Variants in IL22RA2 observed in about 807,000 individuals in gnomAD.
IL22RA2 encodes interleukin-22 receptor subunit alpha-2.
Under a neutral mutation model 30.7 loss-of-function variants are expected in IL22RA2, and 39 were observed. The observed-to-expected ratio is 1.27, with a 90% CI of 0.98 to 1.66. The LOEUF (loss-of-function observed/expected upper bound fraction) is 1.66, where lower values mean the gene tolerates loss of function less well. Among genes scored for constraint, IL22RA2 ranks in the 40% most tolerant of loss-of-function variants. The pLI, the probability that IL22RA2 is intolerant of heterozygous loss-of-function variation, is 0.00. For synonymous variants in IL22RA2, 103 were observed against 105.0 expected, an observed-to-expected ratio of 0.98 and a Z score of 0.11; for missense variants, 315 against 312.7, an observed-to-expected ratio of 1.01 and a Z score of -0.05.
intron 1 of IL22RA2, among the ~76,000 whole-genome samples, chr6:137,166,954 C>T (rs1046070178): frequency 2.0e-5 from 3 of 152,210 alleles, no homozygotes; most frequent in African/African-American, 7.2e-5. Flanking sequence ...TGCATGTGGG[C>T]TTTACTGAGC....
At position 137,145,021 on chromosome 6, in the gene IL22RA2, C is replaced by T. The variant is rs1298292999; in HGVS notation, c.*603G>A. ...AATCATAAGATTTTTTTCCCCAAAA[C>T]CTGTTCTTATTTACATAAAGTAGAC... On this transcript the variant is annotated 3_prime_UTR_variant, in exon 7 of 7. Coordinates refer to ENST00000296980, the MANE Select transcript of IL22RA2 (RefSeq NM_052962.3). 2 of 151,530 alleles carry T rather than the reference C, an allele frequency of 1.3e-5. No homozygotes were observed. The highest frequency in any genetic ancestry group is 2.9e-5 in the Non-Finnish European group (2 of 67,892). 9.4% of individuals were successfully genotyped at this position (151,530 alleles called of 1,614,324 possible). A position where few individuals can be genotyped will look rare whatever the true frequency, so the allele number is the denominator to read the frequency against.
At position 137,156,930 on chromosome 6, in the gene IL22RA2, A is replaced by T. The variant is rs568279615; in HGVS notation, c.198-76T>A. 7 of 1,557,402 alleles carry T rather than the reference A, an allele frequency of 4.5e-6. No individual in the cohort carries two copies. In the South Asian group the frequency reaches 6.8e-5, roughly 15 times the overall value. On this transcript the variant is annotated intron_variant, in intron 3 of 6. Transcript: ENST00000296980. Reference sequence around the variant, plus strand: ...GGGGCATCCTGGCTTTACAACAACCACTCTCATAGAAACATTTCCATGACA... The same window carrying T: ...GGGGCATCCTGGCTTTACAACAACCTCTCTCATAGAAACATTTCCATGACA...
chr6:137,168,695 A>G (rs1778673888), intron 1 of IL22RA2, among the ~76,000 whole-genome samples: 1 of 152,224 alleles, frequency 6.6e-6, no homozygotes, highest in African/African-American at 2.4e-5. Context: ...CAACTGGAAC[A>G]TGCTACCCAC....
chr6:137,170,428 C>G (rs1176590097), intron 1 of IL22RA2, among the ~76,000 whole-genome samples: 1 of 152,188 alleles, frequency 6.6e-6, no homozygotes, highest in Non-Finnish European at 1.5e-5. Context: ...CTCCCCAACT[C>G]CACATTCCTC....
chr6:137,145,460 A>G lies in IL22RA2; in HGVS notation c.*164T>C, dbSNP rs1048973657. On this transcript the variant is annotated 3_prime_UTR_variant, in exon 7 of 7. Transcript: ENST00000296980. The stretch of plus-strand genomic sequence containing the variant: ...CAAATATAGTTTACAAATGAAATAT[A>G]AAGGATAAAAGAATGGATAAACAAA... 1.5e-4 allele frequency: 82 copies of G among 561,144 alleles called. No homozygotes were observed. In the East Asian group the frequency reaches 2.5e-3, roughly 17 times the overall value. 34.8% of individuals were successfully genotyped at this position (561,144 alleles called of 1,614,324 possible).
chr6:137,151,232 A>G (rs949630341), intron 5 of IL22RA2, among the ~76,000 whole-genome samples: 2 of 152,240 alleles, frequency 1.3e-5, no homozygotes, highest in African/African-American at 4.8e-5. Context: ...GTATAGCTCA[A>G]TAGAATAGAA....
intron 5 of IL22RA2, among the ~76,000 whole-genome samples, chr6:137,149,558 A>C (rs1448618004): frequency 6.6e-6 from 1 of 152,128 alleles, no homozygotes; most frequent in Non-Finnish European, 1.5e-5. Context: ...TCCAGGAATA[A>C]ATTTTCTCTA....
At chr6:137,147,692 C>A in intron 6 of IL22RA2, 30 bp downstream of exon 6, 2 of 1,455,060 alleles carry the variant, frequency 1.4e-6, no homozygotes, top group South Asian at 1.3e-5. Flanking sequence ...AAGAAAAAAA[C>A]TCTAAATATA....
intron 5 of IL22RA2, among the ~76,000 whole-genome samples, chr6:137,153,724 G>A (rs1005339177): frequency 6.6e-6 from 1 of 152,090 alleles, no homozygotes; most frequent in South Asian, 2.1e-4. Flanking sequence ...AAATACAATG[G>A]GGTCAGGTGG....
In IL22RA2 at chr6:137,158,429, G is replaced by T; in HGVS notation, c.115C>A (p.Arg39=). ...LKPQRVQFQS[R]NFHNILQWQP... is the part of the protein sequence containing the mutation. ...CATTGCAAAATGTTGTGAAAATTTC[G>T]GGACTGAAATTGTACCCTCTGAGGC... The change falls in exon 3 of 7, where the codon CGA becomes AGA. Residue 39 remains arginine (R), a synonymous_variant. Transcript: ENST00000296980. 6.2e-7 allele frequency: 1 copy of T among 1,613,964 alleles called. No homozygotes were observed. The highest frequency in any genetic ancestry group is 8.5e-7 in the Non-Finnish European group (1 of 1,179,934).
At chr6:137,148,118 G>A (rs12525760) in intron 5 of IL22RA2, among the ~76,000 whole-genome samples, 7 of 152,122 alleles carry the variant, frequency 4.6e-5, no homozygotes, top group Non-Finnish European at 8.8e-5. Context: ...TTTGAATCTC[G>A]AACCTTTATA....
At chr6:137,169,623 GC>G (rs1353523700) in intron 1 of IL22RA2, among the ~76,000 whole-genome samples, 4 of 152,142 alleles carry the variant, frequency 2.6e-5, no homozygotes, top group Non-Finnish European at 5.9e-5. Flanking sequence ...ATAATGAATG[GC>G]CCCCTGGGCA....
In IL22RA2 at chr6:137,147,746, A is replaced by G; in HGVS notation, c.618T>C (p.Phe206=). 1 of 1,566,080 alleles carries G rather than the reference A, an allele frequency of 6.4e-7. No homozygotes were observed. The highest frequency in any genetic ancestry group is 8.7e-7 in the Non-Finnish European group (1 of 1,148,216). The change falls in exon 6 of 7, where the codon TTT becomes TTC. Residue 206 remains phenylalanine, a synonymous_variant. Coordinates refer to ENST00000296980, the MANE Select transcript of IL22RA2 (RefSeq NM_052962.3). ...EDYYELLYRV[F]IINNSLEKEQ... ...CCTTTTCTAGTGAATTGTTAATTAT[A>G]AAAACTCGGTATAGTAGTTCATAGT...
At chr6:137,166,021 A>G (rs1374655038) in intron 1 of IL22RA2, among the ~76,000 whole-genome samples, 1 of 152,182 alleles carries the variant, frequency 6.6e-6, no homozygotes, top group Non-Finnish European at 1.5e-5. Flanking sequence ...GAAAGCCCCC[A>G]TTGTGTGGCC....
intron 5 of IL22RA2, 56 bp from the exon 6 acceptor site, chr6:137,147,947 A>G (rs1320946863): frequency 6.8e-7 from 1 of 1,467,788 alleles, no homozygotes. Flanking sequence ...TTATATACAG[A>G]CGCATTATGT....
At chr6:137,146,370 T>C (rs1239981200) in intron 6 of IL22RA2, among the ~76,000 whole-genome samples, 1 of 152,090 alleles carries the variant, frequency 6.6e-6, no homozygotes, top group East Asian at 1.9e-4. Flanking sequence ...GAGAATGATG[T>C]GCAGCGAGAT....
intron 4 of IL22RA2, among the ~76,000 whole-genome samples, chr6:137,155,554 T>C (rs897890387): frequency 5.3e-5 from 8 of 151,560 alleles, no homozygotes; most frequent in Admixed American, 5.3e-4. Context: ...GACCAACTTT[T>C]TTGATAACTA....
chr6:137,146,337 T>C (rs1162847407), intron 6 of IL22RA2, among the ~76,000 whole-genome samples: 1 of 152,114 alleles, frequency 6.6e-6, no homozygotes, highest in Non-Finnish European at 1.5e-5. Flanking sequence ...TGGCCTTCTT[T>C]TTAAGAATTT....
Position 137,173,458 on chromosome 6 carries a change from A to G in IL22RA2, c.-111T>C, listed in dbSNP as rs951839124. The G allele has an allele frequency of 6.6e-6, 1 of 152,254 alleles. No homozygotes were observed. Among genetic ancestry groups the G allele is most frequent in the African/African-American group, 2.4e-5 (1 of 41,466 alleles). 9.4% of individuals were successfully genotyped at this position (152,254 alleles called of 1,614,324 possible). On this transcript the variant is annotated 5_prime_UTR_variant, in exon 1 of 7. The change abolishes the stop of an existing upstream ORF in the 5' untranslated region. Coordinates refer to ENST00000296980, the MANE Select transcript of IL22RA2 (RefSeq NM_052962.3). ...GTAATTTTAATGCCATTTTAGTGTC[A>G]ATAATAAGATCTAATAATTATGGGA...
Sources: gnomAD v4.1 joint callset for allele counts (sites outside exome capture counted in the v4.1 genomes callset) on GRCh38, gnomAD v4.1.1 for gene constraint, MANE v1.5 for transcripts, NCBI Gene and HGNC (gene_info 2026-07-23, HGNC 2026-07-21) for gene names.